Variants in KANK1 observed in about 807,000 individuals in gnomAD.
KANK1 encodes the protein KN motif and ankyrin repeat domain-containing protein 1.
Under a neutral mutation model 106.2 loss-of-function variants are expected in KANK1, and 109 were observed. The observed-to-expected ratio is 1.03, with a 90% CI of 0.88 to 1.20. The LOEUF is 1.20. Ranked by LOEUF, KANK1 falls within the 50% of genes most tolerant of loss-of-function variation. The pLI, the probability that KANK1 is intolerant of heterozygous loss-of-function variation, is 0.00. For missense variants in KANK1, 2,399 were observed against 1,710.7 expected (o/e 1.40, Z -7.10); for synonymous variants, 873 against 652.2 (o/e 1.34, Z -5.16).
intron 1 of KANK1, among the ~76,000 whole-genome samples, chr9:641,993 C>G (rs1181865291): frequency 6.6e-6 from 1 of 152,286 alleles, no homozygotes; most frequent in African/African-American, 2.4e-5. Context: ...TCCTCCCCAA[C>G]CACCACACAC....
At chr9:684,903 C>T (rs1313489195) in intron 2 of KANK1, among the ~76,000 whole-genome samples, 1 of 143,248 alleles carries the variant, frequency 7.0e-6, no homozygotes, top group African/African-American at 2.7e-5. Context: ...TCTTTCCTGA[C>T]CAAAAAAAAA....
chr9:604,453 C>T (rs547520749), intron 1 of KANK1, among the ~76,000 whole-genome samples: 1 of 151,766 alleles, frequency 6.6e-6, no homozygotes, highest in Non-Finnish European at 1.5e-5. Context: ...TTGGCAGTTT[C>T]ACCCTTGCAC....
intron 1 of KANK1, among the ~76,000 whole-genome samples, chr9:522,954 C>T (rs2059616679): frequency 6.6e-6 from 1 of 151,720 alleles, no homozygotes; most frequent in Non-Finnish European, 1.5e-5. Flanking sequence ...TAATGTTAGC[C>T]TTTTGCTTGT....
chr9:627,950 C>CA (rs57957168), intron 1 of KANK1, among the ~76,000 whole-genome samples: 3,582 of 147,164 alleles, frequency 0.024, 65 homozygotes, highest in African/African-American at 0.042. Flanking sequence ...AAAATTACAA[C>CA]AAAAAAAAAA....
At chr9:491,341 C>G (rs2132305292) in intron 3 of KANK1, among the ~76,000 whole-genome samples, 1 of 151,338 alleles carries the variant, frequency 6.6e-6, no homozygotes, top group South Asian at 2.1e-4. Context: ...GATCTCAGCT[C>G]ACTGCAACCT....
chr9:502,179 C>T (rs2058566796), upstream of KANK1, among the ~76,000 whole-genome samples: 1 of 151,992 alleles, frequency 6.6e-6, no homozygotes, highest in Non-Finnish European at 1.5e-5. Context: ...TGGTAGCCAG[C>T]GGCTGGGAGT....
intron 1 of KANK1, among the ~76,000 whole-genome samples, chr9:575,958 G>C (rs1037681904): frequency 2.6e-5 from 4 of 152,228 alleles, no homozygotes; most frequent in African/African-American, 9.6e-5. Flanking sequence ...AGTATGTGGA[G>C]GTTACAGTGA....
chr9:738,093 C>T (rs1047641184), intron 7 of KANK1, among the ~76,000 whole-genome samples, 192 bp from the exon 8 acceptor site: 2 of 152,204 alleles, frequency 1.3e-5, no homozygotes, highest in African/African-American at 2.4e-5. Context: ...TTAGAATCTA[C>T]ACGTCATTTA....
chr9:626,348 G>A (rs1445056606), intron 1 of KANK1, among the ~76,000 whole-genome samples: 11 of 152,028 alleles, frequency 7.2e-5, no homozygotes, highest in African/African-American at 1.7e-4. Flanking sequence ...CCAGCTACTC[G>A]GAAGGCTGAG....
intron 1 of KANK1, among the ~76,000 whole-genome samples, chr9:536,185 A>T (rs184375897): frequency 2.2e-3 from 327 of 151,870 alleles, no homozygotes; most frequent in African/African-American, 7.0e-3. Context: ...TAAAAAATAT[A>T]AAAAAAATAG....
intron 11 of KANK1, 147 bp from the exon 12 acceptor site, chr9:745,026 C>T (rs899604456): frequency 1.3e-6 from 2 of 1,513,022 alleles, no homozygotes; most frequent in Non-Finnish European, 8.8e-7. Context: ...GCTGTGGACA[C>T]CTGTTCCCTG....
At chr9:616,688 C>G (rs980036080) in intron 1 of KANK1, among the ~76,000 whole-genome samples, 1 of 151,996 alleles carries the variant, frequency 6.6e-6, no homozygotes, top group Non-Finnish European at 1.5e-5. Flanking sequence ...TTCAACAACA[C>G]ACACTGATTT....
chr9:683,841 C>G (rs1818035440), intron 2 of KANK1, among the ~76,000 whole-genome samples: 1 of 152,132 alleles, frequency 6.6e-6, no homozygotes, highest in Admixed American at 6.5e-5. Context: ...TTATGCATTT[C>G]AACTTTCAAT....
chr9:506,007 T>A (rs1417005354), intron 1 of KANK1, among the ~76,000 whole-genome samples: 1 of 152,112 alleles, frequency 6.6e-6, no homozygotes, highest in African/African-American at 2.4e-5. Context: ...ACGTTTTATT[T>A]AAAAAAAATT....
At chr9:668,835 A>AAACT (rs1845258021) in intron 1 of KANK1, among the ~76,000 whole-genome samples, 2 of 152,134 alleles carry the variant, frequency 1.3e-5, no homozygotes, top group African/African-American at 4.8e-5. Context: ...GTTCTACCTC[A>AAACT]GATCATCAGG....
chr9:488,912 A>AG (rs2058336475), intron 3 of KANK1: 1 of 74,616 alleles, frequency 1.3e-5, no homozygotes, highest in Non-Finnish European at 2.2e-5. Flanking sequence ...AGAGATAGTT[A>AG]AAAAAAAAGT....
rs1364358992 is a variant in KANK1, at chr9:561,234, C to T, written c.-84+56480C>T. Among the ~76,000 whole-genome samples, 6 of 152,130 alleles carry T rather than the reference C, an allele frequency of 3.9e-5. No individual in the cohort carries two copies. The South Asian group carries it at 6.2e-4, about 16-fold the overall frequency. ...GTAGACATAAGAAGGATATGTTTTT[C>T]TATTTCAATCAATTAAGAATTTTTG... On this transcript the variant is annotated intron_variant, in intron 1 of 11. Coordinates refer to ENST00000382297, the MANE Select transcript of KANK1 (RefSeq NM_015158.5).
rs137918238 is a variant in KANK1, at chr9:712,035, G to C, written c.1269G>C (p.Lys423Asn). The C allele has an allele frequency of 3.3e-4, 533 of 1,614,030 alleles. No homozygotes were observed. Among genetic ancestry groups the C allele is most frequent in the Admixed American group, 4.7e-4 (28 of 59,998 alleles). ...VVYHRGSRSC[K>N]DAAVGTLVEM... The stretch of plus-strand genomic sequence containing the variant: ...ACCACAGAGGCTCCAGGTCCTGTAA[G>C]GATGCAGCTGTAGGGACACTTGTTG... The change falls in exon 3 of 12, where the codon AAG becomes AAC. Residue 423 changes from lysine (K) to asparagine (N), a missense_variant. Lys to Asn is a moderately conservative substitution (Grantham distance 94, BLOSUM62 0). Coordinates refer to ENST00000382297, the MANE Select transcript of KANK1 (RefSeq NM_015158.5).
chr9:543,919 T>C (rs2060769588), intron 1 of KANK1, among the ~76,000 whole-genome samples: 1 of 152,218 alleles, frequency 6.6e-6, no homozygotes, highest in Non-Finnish European at 1.5e-5. Flanking sequence ...ATCCTGATAA[T>C]TTCTCAGTTT....
Sources: gnomAD v4.1 joint callset for allele counts (sites outside exome capture counted in the v4.1 genomes callset) on GRCh38, gnomAD v4.1.1 for gene constraint, MANE v1.5 for transcripts, NCBI Gene and HGNC (gene_info 2026-07-23, HGNC 2026-07-21) for gene names.